The following NDUFAF2 variants were observed in gnomAD, a reference collection of about 807,000 sequenced individuals.
NDUFAF2 encodes the protein NADH dehydrogenase [ubiquinone] 1 alpha subcomplex assembly factor 2.
A neutral mutation model predicts 22.8 loss-of-function variants in NDUFAF2; 13 were observed. That is an observed-to-expected ratio of 0.57 (90% CI 0.37 to 0.91). The LOEUF is 0.91. NDUFAF2 is among the 40% of genes least tolerant of loss of function. The probability of loss-of-function intolerance (pLI) is 0.01; values close to 1 mark genes in which losing one functional copy is unlikely to be tolerated. For missense variants in NDUFAF2, 162 were observed against 195.2 expected (o/e 0.83, Z 1.01); for synonymous variants, 53 against 64.2 (o/e 0.83, Z 0.84).
intron 3 of NDUFAF2, among the ~76,000 whole-genome samples, chr5:61,131,741 A>G (rs1753114163): frequency 6.6e-6 from 1 of 152,178 alleles, no homozygotes; most frequent in African/African-American, 2.4e-5. Flanking sequence ...TTCGTAGTAT[A>G]TATTTTATCT....
At chr5:60,967,456 A>T (rs954253887) in intron 1 of NDUFAF2, among the ~76,000 whole-genome samples, 1 of 151,968 alleles carries the variant, frequency 6.6e-6, no homozygotes, top group Non-Finnish European at 1.5e-5. Context: ...TTTACTGTTG[A>T]GTATGTTAAC....
At chr5:61,090,433 G>A (rs567395771) in intron 2 of NDUFAF2, among the ~76,000 whole-genome samples, 10 of 151,904 alleles carry the variant, frequency 6.6e-5, no homozygotes, top group Middle Eastern at 6.8e-3. Flanking sequence ...AATACTGTTC[G>A]TCTTTTGATG....
intron 3 of NDUFAF2, among the ~76,000 whole-genome samples, chr5:61,148,573 A>T (rs1438261851): frequency 6.6e-6 from 1 of 152,228 alleles, no homozygotes; most frequent in East Asian, 1.9e-4. Flanking sequence ...CAACCTTTAC[A>T]ACAGCCCATT....
At chr5:60,983,807 T>A (rs1751027195) in intron 1 of NDUFAF2, among the ~76,000 whole-genome samples, 1 of 152,022 alleles carries the variant, frequency 6.6e-6, no homozygotes, top group Non-Finnish European at 1.5e-5. Context: ...ACTGTAGCCT[T>A]GTAGTATAGT....
At position 60,954,608 on chromosome 5, in the gene NDUFAF2, T is replaced by C. The variant is rs527879846; in HGVS notation, c.127+9226T>C. Reference sequence around the variant, plus strand: ...AATTTTAGGTATCTGAAAATACAACTTTTTCCTTTCATGTGTTAATTTTGT... The same window carrying C: ...AATTTTAGGTATCTGAAAATACAACCTTTTCCTTTCATGTGTTAATTTTGT... On this transcript the variant is annotated intron_variant, in intron 1 of 3. Transcript: ENST00000296597. Among the ~76,000 whole-genome samples, 80 of 152,300 alleles carry C rather than the reference T, an allele frequency of 5.3e-4. 1 individual carries two copies. The highest frequency in any genetic ancestry group is 1.9e-3 in the African/African-American group (80 of 41,580).
At chr5:60,990,956 T>A (rs1257445689) in intron 1 of NDUFAF2, among the ~76,000 whole-genome samples, 1 of 152,176 alleles carries the variant, frequency 6.6e-6, no homozygotes, top group Non-Finnish European at 1.5e-5. Context: ...CCAAAGCTCC[T>A]ACGAACTCAG....
rs541429324 is a variant in NDUFAF2, at chr5:61,068,056, GTTTA to G, written c.128-5066_128-5063del. Among the ~76,000 whole-genome samples, 254 of 152,142 alleles carry G rather than the reference GTTTA, an allele frequency of 1.7e-3. 3 individuals are homozygous for G. The highest frequency in any genetic ancestry group is 5.9e-3 in the African/African-American group (247 of 41,520). On this transcript the variant is annotated intron_variant, in intron 1 of 3. Transcript: ENST00000296597. ...ATACATAAAAGTGAGATTTTTAAGT[GTTTA>G]TTAATTCATTTTAAAATATCACTAA... is the stretch of plus-strand genomic sequence containing the variant.
chr5:60,994,721 A>G (rs540553093), intron 1 of NDUFAF2, among the ~76,000 whole-genome samples: 87 of 152,282 alleles, frequency 5.7e-4, no homozygotes, highest in African/African-American at 2.0e-3. Context: ...GTACTTGGAT[A>G]CTGATACCTT....
At chr5:61,110,994 T>C (rs1752833732) in intron 3 of NDUFAF2, among the ~76,000 whole-genome samples, 1 of 152,138 alleles carries the variant, frequency 6.6e-6, no homozygotes, top group Non-Finnish European at 1.5e-5. Context: ...CTGTATCCCA[T>C]AGGTTTTGGT....
chr5:61,053,553 A>G (rs1349119804), intron 1 of NDUFAF2, among the ~76,000 whole-genome samples: 7 of 152,204 alleles, frequency 4.6e-5, no homozygotes, highest in African/African-American at 1.4e-4. Context: ...CAAAAGTTCT[A>G]GGAAGACTCT....
At chr5:61,145,739 A>G (rs1013993142) in intron 3 of NDUFAF2, 4 of 152,260 alleles carry the variant, frequency 2.6e-5, no homozygotes, top group Admixed American at 2.0e-4. Context: ...TTGGTCATTC[A>G]TAACATATAC....
At chr5:61,089,763 C>T (rs1488264209) in intron 2 of NDUFAF2, among the ~76,000 whole-genome samples, 1 of 152,034 alleles carries the variant, frequency 6.6e-6, no homozygotes, top group Non-Finnish European at 1.5e-5. Flanking sequence ...ATAATACATT[C>T]AGTATTTAAG....
chr5:61,006,674 A>T lies in NDUFAF2; in HGVS notation c.127+61292A>T, dbSNP rs866539974. On this transcript the variant is annotated intron_variant, in intron 1 of 3. Coordinates refer to ENST00000296597, the MANE Select transcript of NDUFAF2 (RefSeq NM_174889.5). ...GTCCTTCACATCCCTTGTAAGTTGG[A>T]TTCCTAGCTATTTTATTCTTTTTAA... is the stretch of plus-strand genomic sequence containing the variant. 5.3e-5 allele frequency among the ~76,000 whole-genome samples: 8 copies of T among 152,206 alleles called. 1 individual carries two copies. The South Asian group carries it at 6.2e-4, about 12-fold the overall frequency.
intron 1 of NDUFAF2, among the ~76,000 whole-genome samples, chr5:60,992,370 T>G (rs754678158): frequency 1.1e-4 from 16 of 152,236 alleles, no homozygotes; most frequent in Non-Finnish European, 1.8e-4. Context: ...AAGAAATCTT[T>G]GCCCAGTCCA....
chr5:60,975,136 G>A (rs1364939810), intron 1 of NDUFAF2, among the ~76,000 whole-genome samples: 5 of 152,052 alleles, frequency 3.3e-5, no homozygotes, highest in Non-Finnish European at 7.4e-5. Flanking sequence ...ATAATTTGAA[G>A]TTTATTTTCC....
At chr5:61,013,714 T>C (rs1188343263) in intron 1 of NDUFAF2, among the ~76,000 whole-genome samples, 3 of 151,844 alleles carry the variant, frequency 2.0e-5, no homozygotes, top group African/African-American at 4.8e-5. Flanking sequence ...TTTTTTTTTT[T>C]TGGTAGAGTT....
intron 1 of NDUFAF2, among the ~76,000 whole-genome samples, chr5:61,020,769 C>A (rs192571104): frequency 1.3e-5 from 2 of 152,298 alleles, no homozygotes; most frequent in Admixed American, 1.3e-4. Context: ...CTGCTCACTG[C>A]TCACTGCAAC....
intron 1 of NDUFAF2, among the ~76,000 whole-genome samples, chr5:60,956,021 C>T (rs941545492): frequency 6.6e-6 from 1 of 151,406 alleles, no homozygotes; most frequent in East Asian, 2.0e-4. Context: ...CCTAAGTGAT[C>T]CTCCTAAGTA....
At chr5:60,984,682 A>G (rs919029871) in intron 1 of NDUFAF2, among the ~76,000 whole-genome samples, 2 of 152,178 alleles carry the variant, frequency 1.3e-5, no homozygotes, top group Non-Finnish European at 2.9e-5. Context: ...TTCTGTTTAT[A>G]TGCTGGATTA....
Sources: gnomAD v4.1 joint callset for allele counts (sites outside exome capture counted in the v4.1 genomes callset) on GRCh38, gnomAD v4.1.1 for gene constraint, MANE v1.5 for transcripts, NCBI Gene and HGNC (gene_info 2026-07-23, HGNC 2026-07-21) for gene names.